The following HEATR1 variants were observed in gnomAD, a reference collection of about 807,000 sequenced individuals.
HEATR1 encodes HEAT repeat-containing protein 1.
HEATR1 carries 77 observed loss-of-function variants against 248.2 expected under a neutral mutation model. The ratio of observed to expected loss-of-function variants is 0.31; its 90% CI spans 0.26 to 0.37. The LOEUF (loss-of-function observed/expected upper bound fraction) is 0.37, where lower values mean the gene tolerates loss of function less well. Ranked by LOEUF, HEATR1 falls within the 10% of genes least tolerant of loss-of-function variation. The pLI is 1.00. For synonymous variants in HEATR1, 897 were observed against 923.1 expected (o/e 0.97, Z 0.51); for missense variants, 2,420 against 2,504.9 (o/e 0.97, Z 0.72).
At chr1:236,581,580 G>A (rs1278661601) in intron 19 of HEATR1, among the ~76,000 whole-genome samples, 166 bp from the exon 20 acceptor site, 1 of 152,172 alleles carries the variant, frequency 6.6e-6, no homozygotes, top group South Asian at 2.1e-4. Flanking sequence ...TTAATGAACT[G>A]GGAAGATGTC....
rs1664250520 is a variant in HEATR1, at chr1:236,599,083, C to G, written c.501+400G>C. The stretch of plus-strand genomic sequence containing the variant: ...TGTAAGTATTTTCTGCCTTTCTTCA[C>G]CTTCAACTTTTTTTTAAGTTCTCAG... On this transcript the variant is annotated intron_variant, in intron 4 of 44. Coordinates refer to ENST00000366582, the MANE Select transcript of HEATR1 (RefSeq NM_018072.6). Among the ~76,000 whole-genome samples, 6 of 152,180 alleles carry G rather than the reference C, an allele frequency of 3.9e-5. No homozygotes were observed. The South Asian group carries it at 1.2e-3, about 32-fold the overall frequency.
At chr1:236,565,171 C>T (rs571109801) in intron 31 of HEATR1, among the ~76,000 whole-genome samples, 1 of 152,298 alleles carries the variant, frequency 6.6e-6, no homozygotes, top group Non-Finnish European at 1.5e-5. Context: ...CAAGTTACTG[C>T]CTCGCCAAAC....
At chr1:236,597,256 ATT>A (rs10581442) in intron 5 of HEATR1, among the ~76,000 whole-genome samples, 80,450 of 138,172 alleles carry the variant, frequency 0.58, 23,579 homozygotes, top group East Asian at 0.69. Flanking sequence ...TTAAAAAAAA[ATT>A]TTTTTTTTTT....
At chr1:236,598,721 C>T (rs1664240012) in intron 4 of HEATR1, among the ~76,000 whole-genome samples, 1 of 152,146 alleles carries the variant, frequency 6.6e-6, no homozygotes, top group Admixed American at 6.5e-5. Flanking sequence ...TGAACACTGA[C>T]CCCACTACCA....
Position 236,595,904 on chromosome 1 carries a change from A to G in HEATR1, c.885T>C (p.Ser295=), listed in dbSNP as rs763999489. 7.4e-6 allele frequency: 12 copies of G among 1,614,042 alleles called. No individual in the cohort carries two copies. The highest frequency in any genetic ancestry group is 1.0e-5 in the Non-Finnish European group (12 of 1,179,912). The part of the protein sequence containing the change: ...QIIKTLTKIP[S]LIKDGLSCLI... ...AGCAACTTAACCCATCCTTGATCAA[A>G]GAGGGAATCTTGGTCAATGTTTTGA... Residue 295 remains serine, a synonymous_variant, in exon 7 of 45, where the codon TCT becomes TCC. Coordinates refer to ENST00000366582, the MANE Select transcript of HEATR1 (RefSeq NM_018072.6).
intron 32 of HEATR1, among the ~76,000 whole-genome samples, chr1:236,563,093 C>T (rs1042502675): frequency 2.0e-5 from 3 of 152,138 alleles, no homozygotes; most frequent in Admixed American, 2.0e-4. Flanking sequence ...CTGATTCTTA[C>T]ACTTCATTTC....
chr1:236,599,363 TA>T, intron 4 of HEATR1, 119 bp downstream of exon 4: 1 of 689,956 alleles, frequency 1.4e-6, no homozygotes, highest in Non-Finnish European at 2.3e-6. Flanking sequence ...AGTCAGGAAA[TA>T]AAAATGATGG....
intron 22 of HEATR1, 131 bp from the exon 23 acceptor site, chr1:236,575,034 T>C (rs997374127): frequency 1.3e-6 from 1 of 780,212 alleles, no homozygotes; most frequent in African/African-American, 1.8e-5. Context: ...GATGGTAACT[T>C]CTTAGACATG....
At chr1:236,572,920 T>A in intron 24 of HEATR1, 92 bp from the exon 25 acceptor site, 1 of 1,157,054 alleles carries the variant, frequency 8.6e-7, no homozygotes, top group South Asian at 1.3e-5. Flanking sequence ...ATTTATTCAA[T>A]TAAGAGGGAA....
Position 236,564,679 on chromosome 1 carries a change from C to A in HEATR1, c.4436-18G>T, listed in dbSNP as rs775492170. 6.2e-7 allele frequency: 1 copy of A among 1,602,444 alleles called. No individual in the cohort carries two copies. The highest frequency in any genetic ancestry group is 8.5e-7 in the Non-Finnish European group (1 of 1,175,664). Reference sequence around the variant, plus strand: ...AATGGTTTCTGAAACAGCAATAAAACAAGTGACCTTACTCATTTTCACCTG... The same window carrying A: ...AATGGTTTCTGAAACAGCAATAAAAAAAGTGACCTTACTCATTTTCACCTG... On this transcript the variant is annotated intron_variant, in intron 31 of 44. Transcript: ENST00000366582.
At chr1:236,585,713 A>C in intron 16 of HEATR1, 107 bp downstream of exon 16, 1 of 1,070,390 alleles carries the variant, frequency 9.3e-7, no homozygotes, top group African/African-American at 1.6e-5. Flanking sequence ...CAAGTACTCA[A>C]GAATAAAAGA....
Position 236,604,015 on chromosome 1 carries a change from A to G in HEATR1, c.81T>C (p.Ala27=). The G allele has an allele frequency of 6.3e-7, 1 of 1,599,182 alleles. No individual in the cohort carries two copies. The highest frequency in any genetic ancestry group is 8.5e-7 in the Non-Finnish European group (1 of 1,174,612). ...DASLLSRDEV[A]SLLFDPKEAA... ...CTTCCTTAGGGTCAAATAACAAAGA[A>G]GCAACTTCATCTCTAGATAAGAGGC... The change falls in exon 2 of 45, where the codon GCT becomes GCC. Residue 27 remains alanine (A), a synonymous_variant. Transcript: ENST00000366582.
intron 19 of HEATR1, among the ~76,000 whole-genome samples, chr1:236,582,342 G>A (rs1210185969): frequency 6.6e-6 from 1 of 151,746 alleles, no homozygotes; most frequent in Admixed American, 6.6e-5. Context: ...TCCTGACCTC[G>A]TGATCCACCC....
chr1:236,577,702 G>T (rs1192586656), intron 20 of HEATR1, among the ~76,000 whole-genome samples: 4 of 151,684 alleles, frequency 2.6e-5, no homozygotes, highest in African/African-American at 4.9e-5. Context: ...TGGTCAGGCT[G>T]GTCTCGAACT....
At chr1:236,585,721 AG>A (rs1303157574) in intron 16 of HEATR1, 98 bp downstream of exon 16, 327 of 1,220,046 alleles carry the variant, frequency 2.7e-4, no homozygotes, top group East Asian at 4.0e-4. Context: ...CAAGAATAAA[AG>A]AAATTTTTTT....
At chr1:236,556,364 T>A in intron 37 of HEATR1, 106 bp from the exon 38 acceptor site, 1 of 1,169,348 alleles carries the variant, frequency 8.6e-7, no homozygotes, top group Non-Finnish European at 1.2e-6. Flanking sequence ...GGAAAATGCT[T>A]AGCACTTTTT....
intron 29 of HEATR1, 81 bp downstream of exon 29, chr1:236,568,915 A>T: frequency 1.9e-6 from 2 of 1,043,500 alleles, no homozygotes; most frequent in Non-Finnish European, 2.5e-6. Context: ...AAAAAACTAA[A>T]AAAAAGGCTT....
intron 32 of HEATR1, among the ~76,000 whole-genome samples, chr1:236,562,119 G>T (rs1663147042): frequency 6.6e-6 from 1 of 152,102 alleles, no homozygotes; most frequent in South Asian, 2.1e-4. Context: ...CAATTTGATG[G>T]GTATCACATT....
At position 236,559,708 on chromosome 1, in the gene HEATR1, A is replaced by G; in HGVS notation, c.4770+6T>C. ...ACAGTAATTCCAGGGAGAAATGAAC[A>G]CCTACCTTATCTAACAGGTCGTAAG... On this transcript the variant is annotated splice_donor_region_variant and intron_variant, in intron 34 of 44. Coordinates refer to ENST00000366582, the MANE Select transcript of HEATR1 (RefSeq NM_018072.6). 5 of 1,603,424 alleles carry G rather than the reference A, an allele frequency of 3.1e-6. No homozygotes were observed. The highest frequency in any genetic ancestry group is 4.3e-6 in the Non-Finnish European group (5 of 1,174,064).
Sources: gnomAD v4.1 joint callset for allele counts (sites outside exome capture counted in the v4.1 genomes callset) on GRCh38, gnomAD v4.1.1 for gene constraint, MANE v1.5 for transcripts, NCBI Gene and HGNC (gene_info 2026-07-23, HGNC 2026-07-21) for gene names.